SLC26A11: variants seen among roughly 807,000 people sequenced by gnomAD.
SLC26A11 encodes the protein sodium-independent sulfate anion transporter.
SLC26A11 carries 58 observed loss-of-function variants against 62.2 expected under a neutral mutation model. The observed-to-expected ratio is 0.93, with a 90% CI of 0.76 to 1.16. The LOEUF is 1.16. Among genes scored for constraint, SLC26A11 ranks in the 50% most tolerant of loss-of-function variants. The probability of loss-of-function intolerance (pLI) is 0.00; values close to 1 mark genes in which losing one functional copy is unlikely to be tolerated. For missense variants in SLC26A11, 790 were observed against 794.3 expected, an observed-to-expected ratio of 0.99 and a Z score of 0.06; for synonymous variants, 411 against 368.9, an observed-to-expected ratio of 1.11 and a Z score of -1.31.
chr17:80,246,334 G>A lies in SLC26A11; in HGVS notation c.1153+125G>A, dbSNP rs72853684. 1.5e-5 allele frequency: 22 copies of A among 1,421,930 alleles called. No homozygotes were observed. Among genetic ancestry groups the A allele is most frequent in the South Asian group, 6.7e-5 (5 of 75,022 alleles). 88.1% of individuals were successfully genotyped at this position (1,421,930 alleles called of 1,614,324 possible). A position where few individuals can be genotyped will look rare whatever the true frequency, so the allele number is the denominator to read the frequency against. ...CCCCGGGACTGCACAGGGACTTGGG[G>A]GGCCACACAGGAGTAGGGGGACCAC... On this transcript the variant is annotated intron_variant, in intron 12 of 17. Transcript: ENST00000361193. This position sits in a 1 kb window ranked among gnomAD's most constrained non-coding sequence, Gnocchi z 4.4.
intron 10 of SLC26A11, among the ~76,000 whole-genome samples, chr17:80,243,322 G>A (rs78858047): frequency 1.3e-5 from 2 of 152,214 alleles, no homozygotes; most frequent in East Asian, 1.9e-4. Context: ...GAAAATCCAC[G>A]GCCTCCTCAA....
rs1255898746 is a variant in SLC26A11 at position 80,223,718 on chromosome 17, G to A, written c.513+381G>A. 1.3e-5 allele frequency among the ~76,000 whole-genome samples: 2 copies of A among 152,074 alleles called. No homozygotes were observed. The highest frequency in any genetic ancestry group is 1.9e-4 in the East Asian group (1 of 5,190). ...GAGCATGCTGCTAGAATTTCTATAG[G>A]CAAATTATTTCCCCATGCCAATTTA... On this transcript the variant is annotated intron_variant, in intron 5 of 17. Coordinates refer to ENST00000361193, the MANE Select transcript of SLC26A11 (RefSeq NM_001166347.2). This position sits in a 1 kb window ranked among gnomAD's most constrained non-coding sequence, Gnocchi z 4.6.
chr17:80,225,787 GC>G, intron 5 of SLC26A11, 49 bp from the exon 6 acceptor site: 1 of 1,530,458 alleles, frequency 6.5e-7, no homozygotes. Flanking sequence ...GGGACAGATG[GC>G]CTTGGTTTGG....
intron 5 of SLC26A11, among the ~76,000 whole-genome samples, chr17:80,224,486 G>A (rs901214896): frequency 1.3e-5 from 2 of 152,124 alleles, no homozygotes; most frequent in South Asian, 4.1e-4. Context: ...TGAGAATAAA[G>A]TAGACACTTT....
intron 16 of SLC26A11, 98 bp downstream of exon 16, chr17:80,249,385 C>G (rs2043099456): frequency 6.7e-7 from 1 of 1,487,276 alleles, no homozygotes. Flanking sequence ...GGCTGTGATG[C>G]TGGACGGCCC....
At position 80,222,421 on chromosome 17, in the gene SLC26A11, C is replaced by A; in HGVS notation, c.235-234C>A. ...CTTCCTCAGACTTGGACACAGCACA[C>A]GGGCCTGCACCGACCCCTCTGCCTG... is the stretch of plus-strand genomic sequence containing the variant. On this transcript the variant is annotated intron_variant, in intron 3 of 17. Coordinates refer to ENST00000361193, the MANE Select transcript of SLC26A11 (RefSeq NM_001166347.2). The surrounding 1 kb of genome is among the most constrained non-coding windows in gnomAD (Gnocchi z 4.7). 1 of 497,008 alleles carries A rather than the reference C, an allele frequency of 2.0e-6. No individual in the cohort carries two copies. Among genetic ancestry groups the A allele is most frequent in the South Asian group, 3.6e-5 (1 of 27,436 alleles). The allele number at this position is 497,008 out of a possible 1,614,324, so 30.8% of individuals were successfully genotyped here.
rs939069053 is a variant in SLC26A11 at position 80,222,922 on chromosome 17, C to T, written c.427+75C>T. 6.4e-5 allele frequency: 86 copies of T among 1,343,196 alleles called. No individual in the cohort carries two copies. Among genetic ancestry groups the T allele is most frequent in the African/African-American group, 8.6e-5 (5 of 57,992 alleles). The allele number at this position is 1,343,196 out of a possible 1,614,324, so 83.2% of individuals were successfully genotyped here. A position where few individuals can be genotyped will look rare whatever the true frequency, so the allele number is the denominator to read the frequency against. The stretch of plus-strand genomic sequence containing the variant: ...CTTGTTTGCATTTCAAGTCTATCCC[C>T]GTGTGCGTGTGTGTGCGTGTTGGGG... On this transcript the variant is annotated intron_variant, in intron 4 of 17. Transcript: ENST00000361193. This position sits in a 1 kb window ranked among gnomAD's most constrained non-coding sequence, Gnocchi z 4.7.
rs1391523551 is a variant in SLC26A11 at position 80,224,402 on chromosome 17, TGA to T, written c.513+1069_513+1070del. ...GCGCGCGTGTGTGAGTGTATGAGTG[TGA>T]GAGTGAGTGTGAGTGAGTGAGAGTG... On this transcript the variant is annotated intron_variant, in intron 5 of 17. Transcript: ENST00000361193. Among the ~76,000 whole-genome samples the T allele has an allele frequency of 1.4e-4, 20 of 145,618 alleles. No homozygotes were observed. The South Asian group carries it at 2.2e-3, about 16-fold the overall frequency.
Position 80,245,216 on chromosome 17 carries a change from T to C in SLC26A11, c.1057T>C (p.Ser353Pro). Reference sequence around the variant, plus strand: ...CCCAGGTCTCACCAACATGTTGGGCTCCCTCGTCTCCTCCTACCCGGTCAC... The same window carrying C: ...CCCAGGTCTCACCAACATGTTGGGCCCCCTCGTCTCCTCCTACCCGGTCAC... ...LAIGLTNMLG[S>P]LVSSYPVTGS... Residue 353 changes from serine to proline, a missense_variant, in exon 11 of 18, where the codon TCC becomes CCC. By Grantham distance (74) the Ser-to-Pro change is moderately conservative. Coordinates refer to ENST00000361193, the MANE Select transcript of SLC26A11 (RefSeq NM_001166347.2). 6.2e-7 allele frequency: 1 copy of C among 1,613,946 alleles called. No individual in the cohort carries two copies. The highest frequency in any genetic ancestry group is 1.3e-5 in the African/African-American group (1 of 74,980).
Position 80,225,821 on chromosome 17 carries a change from C to T in SLC26A11, c.514-16C>T. 6.2e-7 allele frequency: 1 copy of T among 1,612,410 alleles called. No homozygotes were observed. Among genetic ancestry groups the T allele is most frequent in the South Asian group, 1.1e-5 (1 of 91,050 alleles). ...TGGGAGCATAGCCTCTGATCAGCATCTCTGTGTTTGGACAGAACCTGCTGG... is the reference window on the plus strand; with the variant it reads ...TGGGAGCATAGCCTCTGATCAGCATTTCTGTGTTTGGACAGAACCTGCTGG... On this transcript the variant is annotated splice_polypyrimidine_tract_variant and intron_variant, in intron 5 of 17. Coordinates refer to ENST00000361193, the MANE Select transcript of SLC26A11 (RefSeq NM_001166347.2).
chr17:80,225,248 G>A lies in SLC26A11; in HGVS notation c.514-589G>A, dbSNP rs143340723. Among the ~76,000 whole-genome samples the A allele has an allele frequency of 6.5e-3, 989 of 152,278 alleles. 9 individuals are homozygous for A. The highest frequency in any genetic ancestry group is 9.3e-3 in the Non-Finnish European group (631 of 68,012). ...GGATAGAGTGCCTTCTCCTGCCCAG[G>A]ACCTCAGAGCTGGTATCGTGGTGGG... On this transcript the variant is annotated intron_variant, in intron 5 of 17. Transcript: ENST00000361193.
rs1451503465 is a variant in SLC26A11, at chr17:80,223,655, C to G, written c.513+318C>G. Among the ~76,000 whole-genome samples the G allele has an allele frequency of 1.3e-5, 2 of 152,164 alleles. No individual in the cohort carries two copies. Among genetic ancestry groups the G allele is most frequent in the Non-Finnish European group, 2.9e-5 (2 of 68,030 alleles). On this transcript the variant is annotated intron_variant, in intron 5 of 17. Transcript: ENST00000361193. This position sits in a 1 kb window ranked among gnomAD's most constrained non-coding sequence, Gnocchi z 4.6. ...TGGCTCTGTGACGTGGCTCTGTTCT[C>G]CCTGCACTGGGCACACCCAGCAGGC...
Position 80,246,547 on chromosome 17 carries a change from C to A in SLC26A11, c.1192C>A (p.Leu398Met), listed in dbSNP as rs770639202. The A allele has an allele frequency of 3.0e-5, 49 of 1,613,410 alleles. No individual in the cohort carries two copies. The highest frequency in any genetic ancestry group is 1.6e-4 in the Middle Eastern group (1 of 6,084). Residue 398 changes from leucine to methionine, a missense_variant, in exon 13 of 18, where the codon CTG becomes ATG. Coordinates refer to ENST00000361193, the MANE Select transcript of SLC26A11 (RefSeq NM_001166347.2). The surrounding 1 kb of genome is among the most constrained non-coding windows in gnomAD (Gnocchi z 4.4). ...GCTGTCTCTGGACTACCTGACCTCA[C>A]TGTTCTACTACATCCCCAAGTCTGC... The part of the protein sequence containing the change: ...VLLSLDYLTS[L>M]FYYIPKSALA...
Position 80,222,510 on chromosome 17 carries a change from G to T in SLC26A11, c.235-145G>T. The T allele has an allele frequency of 2.5e-6, 2 of 805,858 alleles. No individual in the cohort carries two copies. 49.9% of individuals were successfully genotyped at this position (805,858 alleles called of 1,614,324 possible). ...AAAAGTGGCCTCCTGATCACTGCAGGTCCACCCACAGGGCAGGGCGGTGCA... is the reference window on the plus strand; with the variant it reads ...AAAAGTGGCCTCCTGATCACTGCAGTTCCACCCACAGGGCAGGGCGGTGCA... On this transcript the variant is annotated intron_variant, in intron 3 of 17. Coordinates refer to ENST00000361193, the MANE Select transcript of SLC26A11 (RefSeq NM_001166347.2). The surrounding 1 kb of genome is among the most constrained non-coding windows in gnomAD (Gnocchi z 4.7).
chr17:80,243,068 T>G (rs1432411377), intron 10 of SLC26A11, among the ~76,000 whole-genome samples: 2 of 152,200 alleles, frequency 1.3e-5, no homozygotes, highest in Admixed American at 1.3e-4. Flanking sequence ...TTCCTGCCTT[T>G]CCTTCTCGCC....
At position 80,222,866 on chromosome 17, in the gene SLC26A11, G is replaced by A; in HGVS notation, c.427+19G>A. 1.2e-6 allele frequency: 2 copies of A among 1,611,770 alleles called. No individual in the cohort carries two copies. Among genetic ancestry groups the A allele is most frequent in the Non-Finnish European group, 1.7e-6 (2 of 1,178,700 alleles). On this transcript the variant is annotated intron_variant, in intron 4 of 17. Coordinates refer to ENST00000361193, the MANE Select transcript of SLC26A11 (RefSeq NM_001166347.2). This position sits in a 1 kb window ranked among gnomAD's most constrained non-coding sequence, Gnocchi z 4.7. ...CGTTTGGGTGAGGCTCTACCTTCTTGCCAAGGGGATGCCCTCGACCTCAGC... is the reference window on the plus strand; with the variant it reads ...CGTTTGGGTGAGGCTCTACCTTCTTACCAAGGGGATGCCCTCGACCTCAGC...
At chr17:80,247,910 T>C (rs2043050935) in intron 13 of SLC26A11, among the ~76,000 whole-genome samples, 1 of 152,162 alleles carries the variant, frequency 6.6e-6, no homozygotes, top group Non-Finnish European at 1.5e-5. Flanking sequence ...GGCCGGCAGG[T>C]CTCACCTGCG....
chr17:80,236,410 T>C (rs1236541434), intron 7 of SLC26A11, among the ~76,000 whole-genome samples: 6 of 151,938 alleles, frequency 3.9e-5, no homozygotes, highest in Non-Finnish European at 5.9e-5. Flanking sequence ...TGCTAGGGGG[T>C]CCCCTCCATA....
At chr17:80,236,760 C>T in intron 7 of SLC26A11, 168 bp from the exon 8 acceptor site, 1 of 714,252 alleles carries the variant, frequency 1.4e-6, no homozygotes, top group Non-Finnish European at 2.3e-6. Context: ...TATGCTGCCA[C>T]ATAGCATTTA....
Sources: gnomAD v4.1 joint callset for allele counts (sites outside exome capture counted in the v4.1 genomes callset) on GRCh38, gnomAD v4.1.1 for gene constraint, Gnocchi (gnomAD v3.1) non-coding constraint, MANE v1.5 for transcripts, NCBI Gene and HGNC (gene_info 2026-07-23, HGNC 2026-07-21) for gene names.